Variants in DNAH14 observed in about 807,000 individuals in gnomAD.
The protein encoded by DNAH14 is dynein axonemal heavy chain 14.
In DNAH14, 478 loss-of-function variants were observed where a neutral mutation model predicts 520.9. That is an observed-to-expected ratio of 0.92 (90% CI 0.85 to 0.99). The LOEUF (loss-of-function observed/expected upper bound fraction) is 0.99. Among genes scored for constraint, DNAH14 ranks in the 50% least tolerant of loss-of-function variants. The pLI, the probability that DNAH14 is intolerant of heterozygous loss-of-function variation, is 0.00. For missense variants in DNAH14, 4,831 were observed against 5,234.5 expected, an observed-to-expected ratio of 0.92 and a Z score of 2.38; for synonymous variants, 1,581 against 1,757.2, an observed-to-expected ratio of 0.90 and a Z score of 2.51.
rs559776606 is a variant in DNAH14 at position 225,171,215 on chromosome 1, G to A, written c.5535+3187G>A. ...TAACATCACAATTAAAAGAACTAGA[G>A]AAGCAAGAGCAATCACATTCAAAAG... On this transcript the variant is annotated intron_variant, in intron 36 of 85. Coordinates refer to ENST00000682510, the MANE Select transcript of DNAH14 (RefSeq NM_001367479.1). Among the ~76,000 whole-genome samples the A allele has an allele frequency of 5.0e-3, 761 of 152,152 alleles. 6 individuals are homozygous for A. Among genetic ancestry groups the A allele is most frequent in the African/African-American group, 0.017 (718 of 41,506 alleles).
intron 31 of DNAH14, among the ~76,000 whole-genome samples, chr1:225,151,574 A>G (rs2080505082): frequency 6.6e-6 from 1 of 152,220 alleles, no homozygotes; most frequent in Non-Finnish European, 1.5e-5. Context: ...TAGTGGTCCC[A>G]AAGTTTTTAA....
At chr1:225,333,195 T>C in intron 65 of DNAH14, 96 bp from the exon 66 acceptor site, 1 of 986,624 alleles carries the variant, frequency 1.0e-6, no homozygotes, top group Non-Finnish European at 1.5e-6. Context: ...GCAGTAGTAA[T>C]TGCAATGATA....
rs553501542 is a variant in DNAH14, at chr1:225,035,326, C to CT, written c.1359-3367dup. 1.5e-3 allele frequency among the ~76,000 whole-genome samples: 231 copies of CT among 152,012 alleles called. 1 individual carries two copies. Among genetic ancestry groups the CT allele is most frequent in the African/African-American group, 5.2e-3 (217 of 41,524 alleles). On this transcript the variant is annotated intron_variant, in intron 11 of 85. Coordinates refer to ENST00000682510, the MANE Select transcript of DNAH14 (RefSeq NM_001367479.1). ...CTCTCTGTTTTTTTAGTTAATGTGG[C>CT]TAAAGGTTTATCAGTTTCCTTTATC...
At chr1:225,183,139 G>A (rs996430536) in intron 36 of DNAH14, among the ~76,000 whole-genome samples, 1 of 152,214 alleles carries the variant, frequency 6.6e-6, no homozygotes, top group Non-Finnish European at 1.5e-5. Context: ...GTAAACTAGA[G>A]TACCAGAAGA....
chr1:225,159,402 G>A lies in DNAH14; in HGVS notation c.5362G>A (p.Glu1788Lys). The change falls in exon 35 of 86, where the codon GAA becomes AAA. Residue 1788 changes from glutamate (E) to lysine (K), a missense_variant. Transcript: ENST00000682510. Reference sequence around the variant, plus strand: ...AGCTAGTTTGCCAAAATGTCCTCCTGAAGATGTCCCACTTTTTGAAAATAT... The same window carrying A: ...AGCTAGTTTGCCAAAATGTCCTCCTAAAGATGTCCCACTTTTTGAAAATAT... Reference protein sequence around the residue: ...REASLPKCPPEDVPLFENIIG... With the variant: ...REASLPKCPPKDVPLFENIIG... 2 of 1,550,552 alleles carry A rather than the reference G, an allele frequency of 1.3e-6. No homozygotes were observed. The highest frequency in any genetic ancestry group is 1.7e-6 in the Non-Finnish European group (2 of 1,146,456).
intron 55 of DNAH14, among the ~76,000 whole-genome samples, chr1:225,295,230 GT>G (rs1347842261): frequency 6.6e-6 from 1 of 151,654 alleles, no homozygotes; most frequent in Non-Finnish European, 1.5e-5. Flanking sequence ...CTTTGATATT[GT>G]TTTTTATTAT....
chr1:224,981,019 T>C (rs2062228568), intron 8 of DNAH14, among the ~76,000 whole-genome samples: 1 of 152,324 alleles, frequency 6.6e-6, no homozygotes, highest in Non-Finnish European at 1.5e-5. Context: ...CTGTATTGGA[T>C]TTTGTCTAAT....
chr1:225,092,128 G>A (rs1573002758), intron 21 of DNAH14, among the ~76,000 whole-genome samples: 1 of 152,140 alleles, frequency 6.6e-6, no homozygotes, highest in East Asian at 1.9e-4. Flanking sequence ...AATAGTGAGA[G>A]AATTCAATGC....
At chr1:225,292,908 G>C (rs1057181779) in intron 55 of DNAH14, among the ~76,000 whole-genome samples, 5 of 151,822 alleles carry the variant, frequency 3.3e-5, no homozygotes, top group African/African-American at 1.2e-4. Flanking sequence ...CTAGTTTGCT[G>C]TTCATATATA....
intron 27 of DNAH14, among the ~76,000 whole-genome samples, chr1:225,134,407 C>A (rs2078766842): frequency 6.6e-6 from 1 of 152,030 alleles, no homozygotes; most frequent in South Asian, 2.1e-4. Flanking sequence ...TCCTCTAATA[C>A]CTAATTTATT....
intron 27 of DNAH14, among the ~76,000 whole-genome samples, chr1:225,125,256 A>G (rs1013801867): frequency 6.6e-6 from 1 of 152,188 alleles, no homozygotes; most frequent in African/African-American, 2.4e-5. Flanking sequence ...GCCTCTAACA[A>G]GAGAATCAGC....
At chr1:225,131,486 T>C (rs2078417569) in intron 27 of DNAH14, among the ~76,000 whole-genome samples, 1 of 152,200 alleles carries the variant, frequency 6.6e-6, no homozygotes, top group Non-Finnish European at 1.5e-5. Flanking sequence ...GTCCTAGCTC[T>C]CTCTGCTCAC....
chr1:225,337,759 G>A (rs189633870), intron 67 of DNAH14, among the ~76,000 whole-genome samples: 36 of 152,252 alleles, frequency 2.4e-4, no homozygotes, highest in Non-Finnish European at 4.3e-4. Context: ...GGTGTATATA[G>A]TTATGGGGTA....
chr1:225,250,641 C>T (rs772962149), intron 43 of DNAH14: 1 of 531,530 alleles, frequency 1.9e-6, no homozygotes, highest in South Asian at 2.8e-5. Context: ...GAACATGACA[C>T]ATTGGGCCAC....
At chr1:225,119,350 A>G in intron 26 of DNAH14, 56 bp downstream of exon 26, 3 of 1,199,670 alleles carry the variant, frequency 2.5e-6, no homozygotes, top group Non-Finnish European at 2.3e-6. Context: ...ACTTGCACAT[A>G]TATATATACA....
chr1:224,971,306 A>T (rs1296145022), intron 7 of DNAH14, among the ~76,000 whole-genome samples: 2 of 152,188 alleles, frequency 1.3e-5, no homozygotes, highest in Non-Finnish European at 2.9e-5. Context: ...GAAAAATAAT[A>T]TTTTAAATTG....
chr1:225,283,967 C>G (rs531245493), intron 54 of DNAH14, among the ~76,000 whole-genome samples: 2 of 152,186 alleles, frequency 1.3e-5, no homozygotes, highest in South Asian at 2.1e-4. Context: ...TTAGAAAATA[C>G]TTTGAGATAC....
chr1:225,138,554 C>T (rs775769408), intron 27 of DNAH14, among the ~76,000 whole-genome samples: 2 of 152,196 alleles, frequency 1.3e-5, no homozygotes, highest in Non-Finnish European at 2.9e-5. Flanking sequence ...TGCAAAACTC[C>T]TGGGTCACTG....
intron 1 of DNAH14, among the ~76,000 whole-genome samples, chr1:224,938,151 G>A (rs887800979): frequency 2.0e-5 from 3 of 151,964 alleles, no homozygotes; most frequent in Admixed American, 2.0e-4. Flanking sequence ...TTTATTTTGT[G>A]TAAGACTTCA....
Sources: allele counts gnomAD v4.1 joint callset (sites outside exome capture counted in the v4.1 genomes callset), GRCh38; gene constraint gnomAD v4.1.1; transcripts MANE v1.5; gene names NCBI Gene and HGNC (gene_info 2026-07-23, HGNC 2026-07-21).